The following DPP6 variants were observed in gnomAD, a reference collection of about 807,000 sequenced individuals.
The protein encoded by DPP6 is A-type potassium channel modulatory protein DPP6.
DPP6 carries 69 observed loss-of-function variants against 122.6 expected under a neutral mutation model. The ratio of observed to expected loss-of-function variants is 0.56; its 90% CI spans 0.46 to 0.69. DPP6 has a LOEUF of 0.69. DPP6 is among the 30% of genes least tolerant of loss of function. The probability of loss-of-function intolerance (pLI) is 0.00; values close to 1 mark genes in which losing one functional copy is unlikely to be tolerated. For missense variants in DPP6, 928 were observed against 1,116.9 expected, an observed-to-expected ratio of 0.83 and a Z score of 2.41; for synonymous variants, 418 against 433.1, an observed-to-expected ratio of 0.97 and a Z score of 0.43.
At chr7:154,202,788 C>T (rs1799240852) in intron 1 of DPP6, among the ~76,000 whole-genome samples, 1 of 152,182 alleles carries the variant, frequency 6.6e-6, no homozygotes, top group Non-Finnish European at 1.5e-5. Flanking sequence ...CCTTCCATGC[C>T]TTGAGCTTCT....
intron 1 of DPP6, among the ~76,000 whole-genome samples, chr7:154,311,261 CGA>C (rs1436622463): frequency 6.6e-6 from 1 of 152,030 alleles, no homozygotes; most frequent in Non-Finnish European, 1.5e-5. Flanking sequence ...GGGAGGCCGA[CGA>C]GAGAGGATTG....
In DPP6 at chr7:154,803,112, A is replaced by T. The variant is rs930572649; in HGVS notation, c.1408-752A>T. On this transcript the variant is annotated intron_variant, in intron 13 of 25. Coordinates refer to ENST00000377770, the MANE Select transcript of DPP6 (RefSeq NM_130797.4). ...CAGGCCCTGCTGCCCCCCAACCCCC[A>T]TGTTCGAGTCTGCAGCCCACAGAGT... Among the ~76,000 whole-genome samples the T allele has an allele frequency of 3.3e-5, 5 of 151,146 alleles. No individual in the cohort carries two copies. The East Asian group carries it at 9.8e-4, about 29-fold the overall frequency.
At position 154,481,974 on chromosome 7, in the gene DPP6, A is replaced by G. The variant is rs547978642; in HGVS notation, c.457+6937A>G. Reference sequence around the variant, plus strand: ...GTCCCCAGTTTGTGGCCGTCCACGAAGACTTCTTGGGCATTTTCTCATTTG... The same window carrying G: ...GTCCCCAGTTTGTGGCCGTCCACGAGGACTTCTTGGGCATTTTCTCATTTG... On this transcript the variant is annotated intron_variant, in intron 3 of 25. Transcript: ENST00000377770. This position sits in a 1 kb window ranked among gnomAD's most constrained non-coding sequence, Gnocchi z 4.2. Among the ~76,000 whole-genome samples, 1 of 152,358 alleles carries G rather than the reference A, an allele frequency of 6.6e-6. No individual in the cohort carries two copies. Among genetic ancestry groups the G allele is most frequent in the African/African-American group, 2.4e-5 (1 of 41,590 alleles).
At chr7:154,794,437 C>A (rs905484064) in intron 11 of DPP6, among the ~76,000 whole-genome samples, 1 of 152,228 alleles carries the variant, frequency 6.6e-6, no homozygotes, top group African/African-American at 2.4e-5. Context: ...CCAGAGGCGC[C>A]CCGTGCCTGG....
chr7:154,881,021 T>C (rs557618502), intron 21 of DPP6, 79 bp downstream of exon 21: 15 of 1,522,416 alleles, frequency 9.9e-6, no homozygotes, highest in Non-Finnish European at 1.3e-5. Flanking sequence ...AATCCTGATT[T>C]ATTGAGAACG....
At chr7:154,885,464 T>C (rs1806069918) in intron 21 of DPP6, 169 bp from the exon 22 acceptor site, 1 of 923,366 alleles carries the variant, frequency 1.1e-6, no homozygotes, top group African/African-American at 1.7e-5. Flanking sequence ...GGGAGTTTGC[T>C]TTTCATCTCT....
chr7:154,542,489 A>C (rs1242865649), intron 4 of DPP6, among the ~76,000 whole-genome samples: 1 of 152,208 alleles, frequency 6.6e-6, no homozygotes, highest in Non-Finnish European at 1.5e-5. Context: ...AAATACATGA[A>C]TGTGAACCGC....
At chr7:153,877,906 A>AAATC in the DPP6 span, among the ~76,000 whole-genome samples, 4 of 15,156 alleles carry the variant, frequency 2.6e-4, no homozygotes, top group African/African-American at 1.7e-3. Context: ...AAGGTTTGAC[A>AAATC]AATAAAGATA....
chr7:153,870,762 T>C, the DPP6 span, among the ~76,000 whole-genome samples: 1,726 of 152,302 alleles, frequency 0.011, 14 homozygotes, highest in Admixed American at 0.018. Context: ...TGCTCTGTTT[T>C]TTGCCCATCT....
chr7:154,080,215 C>G (rs376510347), intron 1 of DPP6, among the ~76,000 whole-genome samples: 1 of 152,138 alleles, frequency 6.6e-6, no homozygotes, highest in Non-Finnish European at 1.5e-5. Flanking sequence ...TCATTTACTG[C>G]CAGTGCATCC....
intron 1 of DPP6, among the ~76,000 whole-genome samples, chr7:153,909,908 A>G (rs117237730): frequency 0.017 from 2,519 of 152,184 alleles, 30 homozygotes; most frequent in Non-Finnish European, 0.027. Flanking sequence ...GCACCCAGAC[A>G]GGTTTTGTCT....
At chr7:153,785,724 T>A in the DPP6 span, among the ~76,000 whole-genome samples, 1 of 152,048 alleles carries the variant, frequency 6.6e-6, no homozygotes, top group African/African-American at 2.4e-5. Flanking sequence ...CTAAGGTCAC[T>A]GTACCTTTGA....
chr7:154,108,350 A>G lies in DPP6; in HGVS notation c.243+55287A>G, dbSNP rs146689794. Among the ~76,000 whole-genome samples, 893 of 152,110 alleles carry G rather than the reference A, an allele frequency of 5.9e-3. 16 individuals are homozygous for G. The highest frequency in any genetic ancestry group is 0.021 in the African/African-American group (864 of 41,390). On this transcript the variant is annotated intron_variant, in intron 1 of 25. Coordinates refer to ENST00000377770, the MANE Select transcript of DPP6 (RefSeq NM_130797.4). ...GCAGAAATCTTTAGTAAACCAATTG[A>G]TGTAGGCAAATGTCATGAATGGATA...
chr7:154,159,553 A>G (rs1796868804), intron 1 of DPP6, among the ~76,000 whole-genome samples: 2 of 152,384 alleles, frequency 1.3e-5, no homozygotes. Context: ...ATCAAAAGGT[A>G]ATATTTATGA....
intron 8 of DPP6, among the ~76,000 whole-genome samples, chr7:154,757,725 G>A (rs867183602): frequency 2.6e-5 from 4 of 152,184 alleles, no homozygotes; most frequent in South Asian, 2.1e-4. Context: ...CGTGGTGAGC[G>A]CAGGCACTAG....
chr7:154,469,819 A>T (rs1377741222), intron 2 of DPP6, among the ~76,000 whole-genome samples: 1 of 152,230 alleles, frequency 6.6e-6, no homozygotes, highest in Non-Finnish European at 1.5e-5. Flanking sequence ...CAATCAATAA[A>T]TATGCTGGCA....
chr7:154,316,847 C>G (rs998885975), intron 1 of DPP6, among the ~76,000 whole-genome samples: 1 of 152,038 alleles, frequency 6.6e-6, no homozygotes, highest in African/African-American at 2.4e-5. Flanking sequence ...GATTGTGGTA[C>G]GGGAGAAGGA....
the DPP6 span, among the ~76,000 whole-genome samples, chr7:153,788,809 C>G: frequency 6.6e-6 from 1 of 151,986 alleles, no homozygotes; most frequent in Non-Finnish European, 1.5e-5. Flanking sequence ...ACTAAAAATA[C>G]AAAACATTAG....
At chr7:154,499,143 A>G (rs939876727) in intron 3 of DPP6, among the ~76,000 whole-genome samples, 2 of 152,174 alleles carry the variant, frequency 1.3e-5, no homozygotes, top group African/African-American at 4.8e-5. Flanking sequence ...TCCCTAGCCA[A>G]CATTAGGGTT....
Sources: allele counts gnomAD v4.1 joint callset (sites outside exome capture counted in the v4.1 genomes callset), GRCh38; gene constraint gnomAD v4.1.1; non-coding constraint Gnocchi (gnomAD v3.1); transcripts MANE v1.5; gene names NCBI Gene and HGNC (gene_info 2026-07-23, HGNC 2026-07-21).